ZFYVE26: variants seen among roughly 807,000 people sequenced by gnomAD.
The protein encoded by ZFYVE26 is zinc finger FYVE domain-containing protein 26.
ZFYVE26 carries 181 observed loss-of-function variants against 276.5 expected under a neutral mutation model. That is an observed-to-expected ratio of 0.65 (90% confidence interval 0.58 to 0.74). The LOEUF is 0.74. Among genes scored for constraint, ZFYVE26 ranks in the 30% least tolerant of loss-of-function variants. The pLI is 0.00. For missense variants in ZFYVE26, 2,821 were observed against 3,097.9 expected (o/e 0.91, Z 2.12); for synonymous variants, 1,129 against 1,203.1 (o/e 0.94, Z 1.27).
At chr14:67,767,521 C>T (rs892354531) in intron 31 of ZFYVE26, among the ~76,000 whole-genome samples, 183 bp downstream of exon 31, 3 of 152,066 alleles carry the variant, frequency 2.0e-5, no homozygotes, top group African/African-American at 4.8e-5. Context: ...TTCCTGGTCT[C>T]CCCTTCTGCA....
intron 28 of ZFYVE26, 84 bp downstream of exon 28, chr14:67,771,963 G>A: frequency 6.6e-7 from 1 of 1,518,394 alleles, no homozygotes; most frequent in Non-Finnish European, 9.0e-7. Flanking sequence ...CTGGGGACAG[G>A]CGGTGATTGT....
At chr14:67,780,131 AT>A (rs1566880177) in intron 23 of ZFYVE26, 109 bp downstream of exon 23, 9 of 1,087,140 alleles carry the variant, frequency 8.3e-6, no homozygotes, top group Non-Finnish European at 1.1e-5. Flanking sequence ...TGGTATAGTT[AT>A]TTTTTTAAAA....
In ZFYVE26 at chr14:67,798,110, T is replaced by C; in HGVS notation, c.2152A>G (p.Ser718Gly). Residue 718 changes from serine to glycine, a missense_variant, in exon 11 of 42, where the codon AGC becomes GGC. By Grantham distance (56) the Ser-to-Gly change is moderately conservative (BLOSUM62 0). Coordinates refer to ENST00000347230, the MANE Select transcript of ZFYVE26 (RefSeq NM_015346.4). ...AGGCGGCTCTGCAGTCCATCTCTGC[T>C]TCCTGAGCAGCTCTGACTTTCTTGC... Reference protein sequence around the residue: ...PKQESQSCSGSRDGLQSRLHR... With the variant: ...PKQESQSCSGGRDGLQSRLHR... 1 of 1,614,162 alleles carries C rather than the reference T, an allele frequency of 6.2e-7. No individual in the cohort carries two copies. The highest frequency in any genetic ancestry group is 1.1e-5 in the South Asian group (1 of 91,078).
intron 6 of ZFYVE26, 77 bp downstream of exon 6, chr14:67,806,468 G>A (rs1262604325): frequency 1.9e-6 from 3 of 1,582,820 alleles, no homozygotes; most frequent in Non-Finnish European, 2.6e-6. Context: ...CCAAATGAGT[G>A]GGAGAGAAAT....
chr14:67,805,300 T>C lies in ZFYVE26; in HGVS notation c.1188A>G (p.Pro396=), dbSNP rs2040155782. 2.5e-6 allele frequency: 4 copies of C among 1,614,112 alleles called. No individual in the cohort carries two copies. The South Asian group carries it at 4.4e-5, about 18-fold the overall frequency. The change falls in exon 8 of 42, where the codon CCA becomes CCG. Residue 396 remains proline, a synonymous_variant. Coordinates refer to ENST00000347230, the MANE Select transcript of ZFYVE26 (RefSeq NM_015346.4). ...CATCCCTGAGGAGCTCATCACAGCC[T>C]GGGCCCTATGTTGATATGGGAGAAG... ...LLQTLHRTQG[P]GCDELLRDAC...
At chr14:67,807,015 C>T (rs925746469) in intron 5 of ZFYVE26, among the ~76,000 whole-genome samples, 2 of 152,172 alleles carry the variant, frequency 1.3e-5, no homozygotes, top group Admixed American at 1.3e-4. Flanking sequence ...ACTGCAGCCT[C>T]CACCTCCTGG....
chr14:67,793,820 T>C, intron 13 of ZFYVE26, 61 bp from the exon 14 acceptor site: 2 of 1,607,932 alleles, frequency 1.2e-6, no homozygotes, highest in Non-Finnish European at 8.5e-7. Context: ...AAATGCTATA[T>C]TGCTGCCACC....
chr14:67,729,451 A>G (rs2038238879), exon 14 of ZFYVE26: 2 of 1,473,968 alleles, frequency 1.4e-6, no homozygotes, highest in Non-Finnish European at 1.9e-6. Context: ...TGGGCTGTTC[A>G]TCCTGAGAAG....
In ZFYVE26 at chr14:67,793,652, G is replaced by T; in HGVS notation, c.2509C>A (p.Leu837Met). ...PMMFSPPESLLASCILRGNFA... is the reference protein window; with the variant it reads ...PMMFSPPESLMASCILRGNFA... ...TTCCCGCGAAGGATGCAGGATGCCA[G>T]CAGTGACTCAGGTGGGGAGAACATC... Residue 837 changes from leucine (L) to methionine (M), a missense_variant, in exon 14 of 42, where the codon CTG (leucine) becomes ATG (methionine). By Grantham distance (15) the Leu-to-Met change is conservative (BLOSUM62 2). Coordinates refer to ENST00000347230, the MANE Select transcript of ZFYVE26 (RefSeq NM_015346.4). 6.2e-7 allele frequency: 1 copy of T among 1,613,910 alleles called. No homozygotes were observed.
chr14:67,812,565 T>G lies in ZFYVE26; in HGVS notation c.273+1421A>C, dbSNP rs1227657346. Among the ~76,000 whole-genome samples, 3 of 152,220 alleles carry G rather than the reference T, an allele frequency of 2.0e-5. No homozygotes were observed. The East Asian group carries it at 5.8e-4, about 29-fold the overall frequency. On this transcript the variant is annotated intron_variant, in intron 3 of 41. Coordinates refer to ENST00000347230, the MANE Select transcript of ZFYVE26 (RefSeq NM_015346.4). ...TGGTGCTTATATAGTTTTAAAATTCTATGAGGAACTAAAATAGTCCCACAA... is the reference window on the plus strand; with the variant it reads ...TGGTGCTTATATAGTTTTAAAATTCGATGAGGAACTAAAATAGTCCCACAA...
chr14:67,751,471 C>G, intron 40 of ZFYVE26: 1 of 323,576 alleles, frequency 3.1e-6, no homozygotes. Context: ...GTCCAAAACT[C>G]CTGGGCTCAA....
Position 67,772,123 on chromosome 14 carries a change from G to T in ZFYVE26, c.5408C>A (p.Pro1803His), listed in dbSNP as rs2039226592. ...CGGTACCCACTGGTGCCTGGCAGGGGGTGTCGCTGGGGGCACAAATTCCTG... is the reference window on the plus strand; with the variant it reads ...CGGTACCCACTGGTGCCTGGCAGGGTGTGTCGCTGGGGGCACAAATTCCTG... The part of the protein sequence containing the change: ...PSQEFVPPAT[P>H]PARHQWVPDE... The change falls in exon 28 of 42, where the codon CCC becomes CAC. Residue 1803 changes from proline (P) to histidine (H), a missense_variant. Pro to His is a moderately conservative substitution (Grantham distance 77). Transcript: ENST00000347230. 7 of 1,612,920 alleles carry T rather than the reference G, an allele frequency of 4.3e-6. No homozygotes were observed. Among genetic ancestry groups the T allele is most frequent in the Non-Finnish European group, 5.1e-6 (6 of 1,179,796 alleles).
In ZFYVE26 at chr14:67,781,475, C is replaced by T. The variant is rs202124427; in HGVS notation, c.4427G>A (p.Arg1476Gln). Residue 1476 changes from arginine to glutamine, a missense_variant, in exon 22 of 42, where the codon CGG becomes CAG. Transcript: ENST00000347230. ...FPVKDASLRS[R>Q]LALQFVDRWP... is the part of the protein sequence containing the mutation. ...CCTGTCCACAAACTGTAGGGCCAGC[C>T]GACTTCTCAGAGATGCATCCTTCAC... The T allele has an allele frequency of 1.8e-5, 29 of 1,614,032 alleles. No homozygotes were observed. The Middle Eastern group carries it at 6.6e-4, about 37-fold the overall frequency.
intron 13 of ZFYVE26, among the ~76,000 whole-genome samples, chr14:67,739,311 G>A (rs1032364563): frequency 1.3e-5 from 2 of 152,176 alleles, no homozygotes; most frequent in South Asian, 2.1e-4. Context: ...GGTGGTGAAA[G>A]GAAAGATAGA....
At chr14:67,762,166 C>G in intron 34 of ZFYVE26, 37 bp downstream of exon 34, 1 of 1,606,268 alleles carries the variant, frequency 6.2e-7, no homozygotes, top group South Asian at 1.1e-5. Flanking sequence ...CTGGGTCTCC[C>G]TCCCTGAGCC....
At position 67,777,743 on chromosome 14, in the gene ZFYVE26, C is replaced by T. The variant is rs200338375; in HGVS notation, c.4798-8G>A. The T allele has an allele frequency of 1.2e-6, 2 of 1,614,020 alleles. No individual in the cohort carries two copies. The highest frequency in any genetic ancestry group is 1.6e-4 in the Middle Eastern group (1 of 6,084). On this transcript the variant is annotated splice_polypyrimidine_tract_variant and splice_region_variant and intron_variant, in intron 24 of 41. Transcript: ENST00000347230. ...AGGGATTCTTCGCAGGAGCTATTGTCAAAGGGTAGAGGAGGAAGGTGTGGC... is the reference window on the plus strand; with the variant it reads ...AGGGATTCTTCGCAGGAGCTATTGTTAAAGGGTAGAGGAGGAAGGTGTGGC...
chr14:67,774,811 G>A (rs373184442), intron 27 of ZFYVE26, among the ~76,000 whole-genome samples: 11 of 151,970 alleles, frequency 7.2e-5, no homozygotes, highest in African/African-American at 2.7e-4. Context: ...AGACTTTATA[G>A]ACATACTGCC....
At chr14:67,771,259 T>C (rs1032954694) in intron 28 of ZFYVE26, among the ~76,000 whole-genome samples, 2 of 152,350 alleles carry the variant, frequency 1.3e-5, no homozygotes, top group Non-Finnish European at 2.9e-5. Context: ...TAGTTTGCTT[T>C]GGATAATGAC....
chr14:67,741,034 G>C (rs1169188301), intron 13 of ZFYVE26, among the ~76,000 whole-genome samples: 1 of 152,176 alleles, frequency 6.6e-6, no homozygotes, highest in Non-Finnish European at 1.5e-5. Flanking sequence ...TACTGAAAAT[G>C]ATACCCGTTT....
Sources: gnomAD v4.1 joint callset for allele counts (sites outside exome capture counted in the v4.1 genomes callset) on GRCh38, gnomAD v4.1.1 for gene constraint, MANE v1.5 for transcripts, NCBI Gene and HGNC (gene_info 2026-07-23, HGNC 2026-07-21) for gene names.